The following CCDC82 variants were observed in gnomAD, a reference collection of about 807,000 sequenced individuals.
CCDC82 encodes coiled-coil domain containing 82, also known as coiled-coil domain-containing protein 82.
In CCDC82, 47 loss-of-function variants were observed where a neutral mutation model predicts 60.6. The observed-to-expected ratio is 0.77, with a 90% CI of 0.61 to 0.99. The LOEUF is 0.99. CCDC82 is among the 50% of genes least tolerant of loss of function. CCDC82 has a pLI of 0.00. For synonymous variants in CCDC82, 212 were observed against 207.4 expected, an observed-to-expected ratio of 1.02 and a Z score of -0.19; for missense variants, 588 against 633.0, an observed-to-expected ratio of 0.93 and a Z score of 0.76.
intron 9 of CCDC82, chr11:96,358,291 A>G: frequency 4.4e-6 from 5 of 1,147,918 alleles, no homozygotes; most frequent in Non-Finnish European, 3.2e-6. Context: ...TCGTATTAGC[A>G]TTCTTTCCAT....
chr11:96,365,003 TATC>T lies in CCDC82; in HGVS notation c.1354_1356del (p.Asp452del). On this transcript the variant is annotated inframe_deletion, in exon 8 of 10. Coordinates refer to ENST00000646818, the MANE Select transcript of CCDC82 (RefSeq NM_024725.4). The stretch of plus-strand genomic sequence containing the variant: ...ACCTGTTTATCATGTGACATGAAAT[TATC>T]TATTTGCATGGTCCTGGTGTTATAC... 1 of 1,602,472 alleles carries T rather than the reference TATC, an allele frequency of 6.2e-7. No homozygotes were observed. Among genetic ancestry groups the T allele is most frequent in the Non-Finnish European group, 8.5e-7 (1 of 1,176,528 alleles).
intron 8 of CCDC82, chr11:96,363,100 T>G (rs1165012067): frequency 6.6e-6 from 1 of 152,026 alleles, no homozygotes; most frequent in East Asian, 1.9e-4. Flanking sequence ...GGACTACAGG[T>G]GCCCGCCACC....
chr11:96,377,038 G>C (rs1490908797), intron 5 of CCDC82, among the ~76,000 whole-genome samples: 1 of 152,146 alleles, frequency 6.6e-6, no homozygotes, highest in African/African-American at 2.4e-5. Context: ...GGTCTTGCTA[G>C]TGGTAAATTT....
chr11:96,387,536 T>A lies in CCDC82; in HGVS notation c.-61A>T, dbSNP rs1866264496. On this transcript the variant is annotated 5_prime_UTR_variant, in exon 2 of 10. Transcript: ENST00000646818. ...TAGAGTTTAAATGACTTACCGAAGA[T>A]CACGCAGCTTGTTAGTGACAGAGCA... 1 of 152,338 alleles carries A rather than the reference T, an allele frequency of 6.6e-6. No individual in the cohort carries two copies. Among genetic ancestry groups the A allele is most frequent in the African/African-American group, 2.4e-5 (1 of 41,568 alleles). The allele number at this position is 152,338 out of a possible 1,614,324, so 9.4% of individuals were successfully genotyped here. A position where few individuals can be genotyped will look rare whatever the true frequency, so the allele number is the denominator to read the frequency against.
At chr11:96,373,531 G>A (rs2136148961) in intron 5 of CCDC82, 64 bp from the exon 6 acceptor site, 1 of 944,688 alleles carries the variant, frequency 1.1e-6, no homozygotes, top group Non-Finnish European at 1.7e-6. Context: ...AATACAATAG[G>A]TTCCATTCTC....
chr11:96,377,960 G>A (rs970507457), intron 5 of CCDC82, among the ~76,000 whole-genome samples: 1 of 151,816 alleles, frequency 6.6e-6, no homozygotes, highest in Non-Finnish European at 1.5e-5. Context: ...ATGATTTTTA[G>A]TACATTCAAA....
At chr11:96,362,669 G>A (rs900223885) in intron 8 of CCDC82, among the ~76,000 whole-genome samples, 1 of 151,946 alleles carries the variant, frequency 6.6e-6, no homozygotes, top group Non-Finnish European at 1.5e-5. Flanking sequence ...GGTGGTCCAA[G>A]GCCTCTCGTC....
At position 96,383,279 on chromosome 11, in the gene CCDC82, C is replaced by A. The variant is rs1175604325; in HGVS notation, c.981G>T (p.Gln327His). The A allele has an allele frequency of 6.5e-7, 1 of 1,533,758 alleles. No individual in the cohort carries two copies. The highest frequency in any genetic ancestry group is 1.4e-5 in the African/African-American group (1 of 73,234). Reference sequence around the variant, plus strand: ...TAATATTGAACTTACAAAGAGAATTCTGTTTTACTAATTTCAGTTGTGATG... The same window carrying A: ...TAATATTGAACTTACAAAGAGAATTATGTTTTACTAATTTCAGTTGTGATG... ...LTTSQLKLVKQNSLYSFSDHY... is the reference protein window; with the variant it reads ...LTTSQLKLVKHNSLYSFSDHY... The change falls in exon 5 of 10, where the codon CAG becomes CAT. Residue 327 changes from glutamine to histidine, a missense_variant. Physicochemically the swap from Gln to His is conservative, Grantham distance 24. Transcript: ENST00000646818.
At chr11:96,354,490 A>G (rs1316653363) in intron 9 of CCDC82, 1 of 152,214 alleles carries the variant, frequency 6.6e-6, no homozygotes, top group East Asian at 1.9e-4. Context: ...AAGGTTTTGG[A>G]GCAGGGGACT....
chr11:96,382,973 G>C (rs1456152264), intron 5 of CCDC82: 2 of 242,528 alleles, frequency 8.2e-6, no homozygotes, highest in Non-Finnish European at 1.5e-5. Context: ...ATTTACTAAG[G>C]ATTATTTTAA....
intron 8 of CCDC82, 135 bp downstream of exon 8, chr11:96,364,845 T>C: frequency 1.5e-6 from 1 of 674,068 alleles, no homozygotes; most frequent in Non-Finnish European, 2.5e-6. Context: ...ATTATTTACT[T>C]GTGGGTTGCC....
rs1488638070 is a variant in CCDC82 at position 96,355,878 on chromosome 11, AC to A, written c.1567-2165del. 2.0e-5 allele frequency: 3 copies of A among 152,294 alleles called. No individual in the cohort carries two copies. The East Asian group carries it at 5.8e-4, about 29-fold the overall frequency. 9.4% of individuals were successfully genotyped at this position (152,294 alleles called of 1,614,324 possible). A position where few individuals can be genotyped will look rare whatever the true frequency, so the allele number is the denominator to read the frequency against. ...ACTACTCTCTTACAACACCTGATGG[AC>A]CTACTGATGAAAACAGTTGGAATTG... On this transcript the variant is annotated intron_variant, in intron 9 of 9. Coordinates refer to ENST00000646818, the MANE Select transcript of CCDC82 (RefSeq NM_024725.4).
At chr11:96,356,334 A>C in intron 9 of CCDC82, 1 of 599,606 alleles carries the variant, frequency 1.7e-6, no homozygotes, top group Non-Finnish European at 2.1e-6. Flanking sequence ...TCTAATTATA[A>C]TTTTAAATTA....
chr11:96,384,619 C>G lies in CCDC82; in HGVS notation c.129G>C (p.Glu43Asp). 6.2e-7 allele frequency: 1 copy of G among 1,613,618 alleles called. No homozygotes were observed. The highest frequency in any genetic ancestry group is 8.5e-7 in the Non-Finnish European group (1 of 1,179,692). The change falls in exon 4 of 10, where the codon GAG (glutamate) becomes GAC (aspartate). Residue 43 changes from glutamate to aspartate, a missense_variant. Transcript: ENST00000646818. ...SISQLLDSDEELDSEEFDSDE... is the reference protein window; with the variant it reads ...SISQLLDSDEDLDSEEFDSDE... The stretch of plus-strand genomic sequence containing the variant: ...CACTATCAAATTCTTCACTATCAAG[C>G]TCTTCATCACTATCAAGTAATTGTG...
At chr11:96,375,160 CAA>C (rs1330238176) in intron 5 of CCDC82, among the ~76,000 whole-genome samples, 1 of 152,086 alleles carries the variant, frequency 6.6e-6, no homozygotes, top group East Asian at 1.9e-4. Context: ...TGTTGAGAAA[CAA>C]ATCAAATTCA....
chr11:96,380,811 G>A (rs1266700936), intron 5 of CCDC82: 2 of 151,732 alleles, frequency 1.3e-5, no homozygotes, highest in African/African-American at 4.8e-5. Context: ...AAAAACATCA[G>A]TGATTCAGAG....
intron 5 of CCDC82, 61 bp from the exon 6 acceptor site, chr11:96,373,528 T>C (rs1273904246): frequency 7.2e-6 from 7 of 976,284 alleles, no homozygotes; most frequent in African/African-American, 3.3e-5. Context: ...TTGAATACAA[T>C]AGGTTCCATT....
chr11:96,378,860 T>C (rs1022418223), intron 5 of CCDC82, among the ~76,000 whole-genome samples: 13 of 151,920 alleles, frequency 8.6e-5, no homozygotes, highest in African/African-American at 1.7e-4. Context: ...CTAATAGGGA[T>C]TGATAATAAA....
At chr11:96,356,129 G>A (rs1864335029) in intron 9 of CCDC82, 1 of 152,066 alleles carries the variant, frequency 6.6e-6, no homozygotes, top group African/African-American at 2.4e-5. Context: ...CATCCACAAG[G>A]ATTGTCATTC....
Sources: allele counts gnomAD v4.1 joint callset (sites outside exome capture counted in the v4.1 genomes callset), GRCh38; gene constraint gnomAD v4.1.1; transcripts MANE v1.5; gene names NCBI Gene and HGNC (gene_info 2026-07-23, HGNC 2026-07-21).